Variants in CELF2 observed in about 807,000 individuals in gnomAD.
The protein encoded by CELF2 is CUG triplet repeat RNA-binding protein 2.
In CELF2, 8 loss-of-function variants were observed where a neutral mutation model predicts 62.6. The ratio of observed to expected loss-of-function variants is 0.13; its 90% CI spans 0.07 to 0.23. CELF2 has a LOEUF of 0.23. CELF2 is among the 10% of genes least tolerant of loss of function. The pLI is 1.00. For synonymous variants in CELF2, 258 were observed against 250.0 expected, an observed-to-expected ratio of 1.03 and a Z score of -0.30; for missense variants, 333 against 671.0, an observed-to-expected ratio of 0.50 and a Z score of 5.56.
chr10:10,783,562 G>A, the CELF2 span, among the ~76,000 whole-genome samples: 3 of 152,210 alleles, frequency 2.0e-5, no homozygotes, highest in Non-Finnish European at 2.9e-5. Flanking sequence ...CTCAGTTTGT[G>A]AGACTTTGTG....
chr10:10,465,098 A>G, the CELF2 span, among the ~76,000 whole-genome samples: 2 of 152,188 alleles, frequency 1.3e-5, no homozygotes, highest in Non-Finnish European at 2.9e-5. Context: ...TTACACACAG[A>G]CATATGGACA....
the CELF2 span, among the ~76,000 whole-genome samples, chr10:10,565,198 G>A: frequency 0.011 from 1,734 of 152,312 alleles, 62 homozygotes; most frequent in East Asian, 0.097. Context: ...CTGAGCACTT[G>A]AAGTCCCTGT....
At chr10:10,921,823 T>C (rs550220814) in intron 2 of CELF2, among the ~76,000 whole-genome samples, 21 of 152,256 alleles carry the variant, frequency 1.4e-4, no homozygotes, top group African/African-American at 5.1e-4. Flanking sequence ...TAAGCGTGGA[T>C]GGGATTACAG....
At chr10:10,762,836 G>C in the CELF2 span, among the ~76,000 whole-genome samples, 4 of 152,168 alleles carry the variant, frequency 2.6e-5, no homozygotes, top group Non-Finnish European at 4.4e-5. Context: ...GAGCCCAGGA[G>C]TTTGAGACCA....
intron 1 of CELF2, among the ~76,000 whole-genome samples, chr10:11,162,734 A>G (rs943116833): frequency 2.6e-5 from 4 of 152,196 alleles, no homozygotes; most frequent in Non-Finnish European, 5.9e-5. Context: ...TTTTGAATTG[A>G]AAAGTAGATT....
chr10:10,968,603 A>G (rs1273990612), intron 2 of CELF2, among the ~76,000 whole-genome samples: 1 of 152,196 alleles, frequency 6.6e-6, no homozygotes, highest in African/African-American at 2.4e-5. Context: ...TAATATAAAG[A>G]TTCCAGTAAG....
chr10:10,851,267 T>C (rs1411954865), intron 1 of CELF2, among the ~76,000 whole-genome samples: 1 of 152,232 alleles, frequency 6.6e-6, no homozygotes, highest in East Asian at 1.9e-4. Context: ...AATTACATTC[T>C]TGGGCATTTA....
chr10:11,215,846 T>G (rs988888379), intron 2 of CELF2, among the ~76,000 whole-genome samples: 1 of 152,232 alleles, frequency 6.6e-6, no homozygotes, highest in Admixed American at 6.5e-5. Flanking sequence ...TGGAAATTAT[T>G]CCTTGGCATG....
chr10:10,650,715 T>C, the CELF2 span, among the ~76,000 whole-genome samples: 1 of 152,228 alleles, frequency 6.6e-6, no homozygotes, highest in African/African-American at 2.4e-5. Flanking sequence ...AGAACTGTCA[T>C]ACATTGCTTA....
chr10:10,623,283 A>G, the CELF2 span, among the ~76,000 whole-genome samples: 1 of 152,074 alleles, frequency 6.6e-6, no homozygotes, highest in Non-Finnish European at 1.5e-5. Flanking sequence ...AATGTGGGTA[A>G]TCTGTGTAAT....
chr10:10,812,398 A>T (rs963835476), intron 1 of CELF2, among the ~76,000 whole-genome samples: 2 of 152,212 alleles, frequency 1.3e-5, no homozygotes, highest in Non-Finnish European at 2.9e-5. Context: ...GCTACAATTG[A>T]AGATGAGATT....
At position 11,017,993 on chromosome 10, in the gene CELF2, CCG is replaced by C; in HGVS notation, c.-91_-90del. The C allele has an allele frequency of 1.0e-6, 1 of 997,686 alleles. No homozygotes were observed. Among genetic ancestry groups the C allele is most frequent in the Non-Finnish European group, 1.2e-6 (1 of 838,918 alleles). 61.8% of individuals were successfully genotyped at this position (997,686 alleles called of 1,614,324 possible). The stretch of plus-strand genomic sequence containing the variant: ...CCGGCTCGGCGGCCGCCGGGGGAGG[CCG>C]CGCGCACCTGTCCCTGCCCGTCTCG... On this transcript the variant is annotated 5_prime_UTR_variant, in exon 1 of 13. Transcript: ENST00000633077. This position sits in a 1 kb window ranked among gnomAD's most constrained non-coding sequence, Gnocchi z 5.5.
intron 2 of CELF2, among the ~76,000 whole-genome samples, chr10:11,175,800 T>C (rs921223661): frequency 1.3e-5 from 2 of 152,146 alleles, no homozygotes; most frequent in Admixed American, 6.5e-5. Context: ...AAAGCACCAG[T>C]CATGTGGCAG....
chr10:11,141,596 C>T (rs953886925), intron 1 of CELF2, among the ~76,000 whole-genome samples: 1 of 152,174 alleles, frequency 6.6e-6, no homozygotes, highest in South Asian at 2.1e-4. Context: ...GACTAGACAA[C>T]CTGGGGTGGG....
intron 1 of CELF2, among the ~76,000 whole-genome samples, chr10:10,851,536 A>C (rs1227324410): frequency 1.3e-5 from 2 of 152,216 alleles, no homozygotes; most frequent in Non-Finnish European, 2.9e-5. Flanking sequence ...GTAGGCAAAG[A>C]TTTCTTAGAT....
chr10:10,595,495 A>T, the CELF2 span, among the ~76,000 whole-genome samples: 1 of 152,160 alleles, frequency 6.6e-6, no homozygotes, highest in African/African-American at 2.4e-5. Context: ...CAGTGGACCA[A>T]ATTGAAGACC....
At chr10:10,964,789 C>CAAT (rs1395962066) in intron 2 of CELF2, among the ~76,000 whole-genome samples, 2 of 126,396 alleles carry the variant, frequency 1.6e-5, no homozygotes, top group Non-Finnish European at 1.5e-5. Flanking sequence ...TTAAACCAAG[C>CAAT]AATAATAATA....
intron 1 of CELF2, among the ~76,000 whole-genome samples, chr10:10,853,034 A>G (rs1483411157): frequency 2.0e-5 from 3 of 152,218 alleles, no homozygotes; most frequent in Non-Finnish European, 4.4e-5. Context: ...CCTGGAGTGC[A>G]GTGGTGCAGT....
chr10:10,661,857 C>A, the CELF2 span, among the ~76,000 whole-genome samples: 172 of 152,212 alleles, frequency 1.1e-3, 1 homozygote, highest in African/African-American at 4.0e-3. Flanking sequence ...TGAATTTCAG[C>A]CTTATTCTCA....
Sources: allele counts gnomAD v4.1 joint callset (sites outside exome capture counted in the v4.1 genomes callset), GRCh38; gene constraint gnomAD v4.1.1; non-coding constraint Gnocchi (gnomAD v3.1); transcripts MANE v1.5; gene names NCBI Gene and HGNC (gene_info 2026-07-23, HGNC 2026-07-21).